Variants in ERC1 observed in about 807,000 individuals in gnomAD.
The protein encoded by ERC1 is RAB6 interacting protein 2.
ERC1 carries 56 observed loss-of-function variants against 132.0 expected under a neutral mutation model. That is an observed-to-expected ratio of 0.42 (90% CI 0.34 to 0.53). The LOEUF (loss-of-function observed/expected upper bound fraction) is 0.53. Ranked by LOEUF, ERC1 falls within the 20% of genes least tolerant of loss-of-function variation. ERC1 has a pLI of 0.03. For synonymous variants in ERC1, 478 were observed against 476.1 expected, an observed-to-expected ratio of 1.00 and a Z score of -0.05; for missense variants, 1,202 against 1,349.9, an observed-to-expected ratio of 0.89 and a Z score of 1.72.
chr12:1,264,482 G>T (rs1431371226), intron 14 of ERC1, among the ~76,000 whole-genome samples: 1 of 152,048 alleles, frequency 6.6e-6, no homozygotes, highest in Non-Finnish European at 1.5e-5. Flanking sequence ...GGCTAACACG[G>T]TGAAACCCCG....
At chr12:1,464,742 G>A (rs940861160) in intron 18 of ERC1, among the ~76,000 whole-genome samples, 7 of 151,720 alleles carry the variant, frequency 4.6e-5, no homozygotes, top group Middle Eastern at 3.4e-3. Flanking sequence ...GGGTGGTCTC[G>A]ATCTCTTGAC....
intron 17 of ERC1, among the ~76,000 whole-genome samples, chr12:1,442,777 CAATAT>C (rs1283389473): frequency 1.3e-5 from 2 of 151,936 alleles, no homozygotes; most frequent in Admixed American, 6.6e-5. Context: ...ACAGTACTGA[CAATAT>C]AATGTTAAAT....
chr12:1,162,807 G>A (rs563371303), intron 8 of ERC1, among the ~76,000 whole-genome samples: 37 of 152,196 alleles, frequency 2.4e-4, no homozygotes, highest in African/African-American at 8.4e-4. Context: ...CAGCTGTGAA[G>A]CAAGCTAAGT....
intron 7 of ERC1, among the ~76,000 whole-genome samples, chr12:1,134,524 T>A (rs77521070): frequency 6.9e-4 from 105 of 151,364 alleles, no homozygotes; most frequent in Admixed American, 1.8e-3. Flanking sequence ...TTAAAAAAAA[T>A]TTTTTTTTGT....
chr12:1,043,192 T>C (rs992630698), intron 2 of ERC1, among the ~76,000 whole-genome samples: 7 of 152,028 alleles, frequency 4.6e-5, no homozygotes, highest in African/African-American at 1.4e-4. Context: ...TACAGACGCC[T>C]GCTACCACGC....
At chr12:1,029,040 G>T (rs1273646864) in intron 2 of ERC1, among the ~76,000 whole-genome samples, 1 of 152,078 alleles carries the variant, frequency 6.6e-6, no homozygotes, top group African/African-American at 2.4e-5. Context: ...GTTGTCAGCT[G>T]AGAACAGAAA....
chr12:1,390,192 T>G (rs1016010513), intron 16 of ERC1, among the ~76,000 whole-genome samples: 1 of 152,216 alleles, frequency 6.6e-6, no homozygotes, highest in African/African-American at 2.4e-5. Context: ...TGGTATGTTA[T>G]GATTAGTGAT....
intron 17 of ERC1, among the ~76,000 whole-genome samples, chr12:1,423,088 A>G (rs918093498): frequency 1.3e-5 from 2 of 152,176 alleles, no homozygotes; most frequent in Non-Finnish European, 2.9e-5. Context: ...AAACAGTCAT[A>G]TTCTAGGCCA....
At chr12:1,235,780 G>A (rs1014180447) in intron 12 of ERC1, among the ~76,000 whole-genome samples, 1 of 152,046 alleles carries the variant, frequency 6.6e-6, no homozygotes, top group Admixed American at 6.6e-5. Context: ...AATAAAATAA[G>A]GTGTACCTAC....
chr12:993,540 T>A (rs1960115855), intron 1 of ERC1, among the ~76,000 whole-genome samples: 1 of 152,242 alleles, frequency 6.6e-6, no homozygotes, highest in South Asian at 2.1e-4. Context: ...GTGTTTTTTT[T>A]CCTTCATTAC....
At chr12:993,882 A>G (rs1427649887) in intron 1 of ERC1, among the ~76,000 whole-genome samples, 3 of 152,108 alleles carry the variant, frequency 2.0e-5, no homozygotes, top group Admixed American at 1.3e-4. Context: ...AGTCTGGGCT[A>G]CAGAGCGAGA....
intron 17 of ERC1, 104 bp from the exon 18 acceptor site, chr12:1,444,458 A>T: frequency 1.3e-6 from 1 of 784,568 alleles, no homozygotes; most frequent in Non-Finnish European, 2.0e-6. Context: ...TCTTTGGTCA[A>T]TTTTCTTTGA....
chr12:1,073,086 G>A (rs1314455116), intron 2 of ERC1, among the ~76,000 whole-genome samples: 1 of 152,112 alleles, frequency 6.6e-6, no homozygotes, highest in African/African-American at 2.4e-5. Flanking sequence ...TAGATCATGA[G>A]GTCAAGAGAT....
In ERC1 at chr12:1,398,042, G is replaced by A. The variant is rs115032147; in HGVS notation, c.2926-10107G>A. The stretch of plus-strand genomic sequence containing the variant: ...ACTCTCTCCCAGGCTGGAGCGCAGG[G>A]GCACAGTCACCACTCACTGCAGCCT... On this transcript the variant is annotated intron_variant, in intron 16 of 18. Coordinates refer to ENST00000360905, the MANE Select transcript of ERC1 (RefSeq NM_178040.4). Among the ~76,000 whole-genome samples the A allele has an allele frequency of 2.0e-3, 307 of 152,200 alleles. 3 individuals are homozygous for A. Among genetic ancestry groups the A allele is most frequent in the African/African-American group, 6.9e-3 (288 of 41,528 alleles).
In ERC1 at chr12:1,493,774, T is replaced by C. The variant is rs1468804416; in HGVS notation, c.*3544T>C. On this transcript the variant is annotated 3_prime_UTR_variant, in exon 19 of 19. Coordinates refer to ENST00000360905, the MANE Select transcript of ERC1 (RefSeq NM_178040.4). ...TGACTTGCCCCTCAATTTCTGTCCA[T>C]TGAAGTCTGGTTTTCCATGAGGAAC... 1 of 216,956 alleles carries C rather than the reference T, an allele frequency of 4.6e-6. No homozygotes were observed. Among genetic ancestry groups the C allele is most frequent in the Non-Finnish European group, 9.2e-6 (1 of 108,338 alleles). 13.4% of individuals were successfully genotyped at this position (216,956 alleles called of 1,614,324 possible).
At chr12:1,076,169 A>G (rs1941304021) in intron 2 of ERC1, among the ~76,000 whole-genome samples, 2 of 152,190 alleles carry the variant, frequency 1.3e-5, no homozygotes, top group Admixed American at 6.6e-5. Flanking sequence ...ATTTTTGGAT[A>G]AGAACTTTAT....
At chr12:1,171,047 T>G (rs1387912460) in intron 8 of ERC1, among the ~76,000 whole-genome samples, 1 of 152,208 alleles carries the variant, frequency 6.6e-6, no homozygotes, top group Non-Finnish European at 1.5e-5. Flanking sequence ...TTAAGCAATT[T>G]GCTCAATGCC....
In ERC1 at chr12:1,183,230, C is replaced by A. The variant is rs1354900493; in HGVS notation, c.2017-51C>A. On this transcript the variant is annotated intron_variant, in intron 10 of 18. Transcript: ENST00000360905. ...ACCATGATAAATTTAAAAATTTAAA[C>A]CTCTATTTTTTTTAAAATTATTTAT... 4.0e-6 allele frequency: 5 copies of A among 1,246,468 alleles called. No homozygotes were observed. In the Admixed American group the frequency reaches 7.5e-5, roughly 19 times the overall value. The allele number at this position is 1,246,468 out of a possible 1,614,324, so 77.2% of individuals were successfully genotyped here.
At chr12:1,341,255 G>A (rs1301059421) in intron 15 of ERC1, among the ~76,000 whole-genome samples, 6 of 151,160 alleles carry the variant, frequency 4.0e-5, no homozygotes, top group Non-Finnish European at 5.9e-5. Context: ...CACCAAGCCC[G>A]GCTAATCTGT....
Sources: gnomAD v4.1 joint callset for allele counts (sites outside exome capture counted in the v4.1 genomes callset) on GRCh38, gnomAD v4.1.1 for gene constraint, MANE v1.5 for transcripts, NCBI Gene and HGNC (gene_info 2026-07-23, HGNC 2026-07-21) for gene names.